Variants in CSRP3 observed in about 807,000 individuals in gnomAD.
CSRP3 encodes the protein cysteine and glycine-rich protein 3.
Under a neutral mutation model 24.3 loss-of-function variants are expected in CSRP3, and 24 were observed. That is an observed-to-expected ratio of 0.99 (90% CI 0.71 to 1.39). The LOEUF (loss-of-function observed/expected upper bound fraction) is 1.39. Ranked by LOEUF, CSRP3 falls within the 40% of genes most tolerant of loss-of-function variation. The pLI is 0.00. For missense variants in CSRP3, 240 were observed against 249.0 expected (o/e 0.96, Z 0.24); for synonymous variants, 105 against 94.0 (o/e 1.12, Z -0.68).
intron 1 of CSRP3, among the ~76,000 whole-genome samples, chr11:19,193,547 C>T (rs766321063): frequency 2.0e-4 from 30 of 152,260 alleles, no homozygotes; most frequent in Non-Finnish European, 3.5e-4. Flanking sequence ...TTAGTAGAGA[C>T]GGGGTTTCAC....
chr11:19,200,423 G>A (rs1375553683), intron 1 of CSRP3, among the ~76,000 whole-genome samples: 2 of 152,198 alleles, frequency 1.3e-5, no homozygotes, highest in Non-Finnish European at 2.9e-5. Context: ...CTATTTGCTG[G>A]CTGAATGCTG....
At position 19,201,013 on chromosome 11, in the gene CSRP3, AC is replaced by A. The variant is rs1850830368; in HGVS notation, c.-29+940del. 4.6e-5 allele frequency among the ~76,000 whole-genome samples: 7 copies of A among 152,148 alleles called. No individual in the cohort carries two copies. In the South Asian group the frequency reaches 1.5e-3, roughly 32 times the overall value. ...ACTCCTCCTTCTTGGAGGAGTCACC[AC>A]CTTGGCTCAGGAACAGGGCAGAAAT... On this transcript the variant is annotated intron_variant, in intron 1 of 5. Coordinates refer to ENST00000265968, the MANE Select transcript of CSRP3 (RefSeq NM_003476.5).
chr11:19,195,869 G>A (rs1019836989), intron 1 of CSRP3, among the ~76,000 whole-genome samples: 1 of 152,188 alleles, frequency 6.6e-6, no homozygotes, highest in African/African-American at 2.4e-5. Context: ...AAATCTGTAA[G>A]TACTCTATTA....
intron 5 of CSRP3, 23 bp from the exon 6 acceptor site, chr11:19,182,769 G>A (rs776527888): frequency 1.9e-6 from 3 of 1,579,610 alleles, no homozygotes; most frequent in Non-Finnish European, 2.6e-6. Flanking sequence ...AGAGGATGAA[G>A]GGAGAGACAA....
chr11:19,192,613 C>T (rs572026013), intron 1 of CSRP3, 137 bp from the exon 2 acceptor site: 63 of 689,010 alleles, frequency 9.1e-5, no homozygotes, highest in Middle Eastern at 6.8e-4. Flanking sequence ...ATTTAGCAAA[C>T]AGCTACTGTG....
At chr11:19,187,461 C>T (rs1488771303) in intron 3 of CSRP3, among the ~76,000 whole-genome samples, 1 of 152,194 alleles carries the variant, frequency 6.6e-6, no homozygotes, top group East Asian at 1.9e-4. Flanking sequence ...AGTGTCAGGC[C>T]AGTGGCCATC....
In CSRP3 at chr11:19,188,287, G is replaced by C. The variant is rs1485902768; in HGVS notation, c.130C>G (p.Leu44Val). 6.2e-7 allele frequency: 1 copy of C among 1,612,504 alleles called. No homozygotes were observed. Among genetic ancestry groups the C allele is most frequent in the South Asian group, 1.1e-5 (1 of 91,004 alleles). ...TGAGCCGCGACTGTCGTGCTGTCAA[G>C]AGCCTTCCTGCAGGCCACTGCCAGG... Reference protein sequence around the residue: ...CFHCMACRKALDSTTVAAHES... With the variant: ...CFHCMACRKAVDSTTVAAHES... The change falls in exon 3 of 6, where the codon CTT becomes GTT. Residue 44 changes from leucine (L) to valine (V), a missense_variant. Coordinates refer to ENST00000265968, the MANE Select transcript of CSRP3 (RefSeq NM_003476.5).
intron 1 of CSRP3, among the ~76,000 whole-genome samples, chr11:19,195,652 G>A (rs1326387516): frequency 6.6e-6 from 1 of 151,172 alleles, no homozygotes; most frequent in Non-Finnish European, 1.5e-5. Context: ...GTTAATAGGA[G>A]ACAGAGATAC....
intron 1 of CSRP3, among the ~76,000 whole-genome samples, chr11:19,194,591 G>A (rs1341512155): frequency 6.6e-6 from 1 of 152,146 alleles, no homozygotes; most frequent in Admixed American, 6.5e-5. Context: ...GTTGAGGCAG[G>A]AGAATCACTT....
intron 1 of CSRP3, among the ~76,000 whole-genome samples, chr11:19,198,985 T>C (rs1850790084): frequency 6.6e-6 from 1 of 152,256 alleles, no homozygotes; most frequent in Non-Finnish European, 1.5e-5. Flanking sequence ...TATTACATTA[T>C]CTCCAGTTTT....
At chr11:19,200,504 C>T (rs1019000786) in intron 1 of CSRP3, among the ~76,000 whole-genome samples, 2 of 152,110 alleles carry the variant, frequency 1.3e-5, no homozygotes, top group Non-Finnish European at 2.9e-5. Context: ...TTCCTTCCCC[C>T]CTTCTCTCCT....
At chr11:19,201,263 T>A (rs978275407) in intron 1 of CSRP3, among the ~76,000 whole-genome samples, 2 of 152,204 alleles carry the variant, frequency 1.3e-5, no homozygotes, top group Non-Finnish European at 2.9e-5. Context: ...CTTTTTGGGG[T>A]CCAGTTTTGA....
Position 19,192,405 on chromosome 11 carries a change from T to C in CSRP3, c.44A>G (p.Lys15Arg), listed in dbSNP as rs1308434550. 6.2e-7 allele frequency: 1 copy of C among 1,614,214 alleles called. No homozygotes were observed. The highest frequency in any genetic ancestry group is 1.3e-5 in the African/African-American group (1 of 75,058). ...GGGAKCGACEKTVYHAEEIQC... is the reference protein window; with the variant it reads ...GGGAKCGACERTVYHAEEIQC... ...GATTTCTTCTGCATGGTAGACGGTC[T>C]TTTCACAGGCTCCACATTTTGCGCC... is the stretch of plus-strand genomic sequence containing the variant. Residue 15 changes from lysine to arginine, a missense_variant, in exon 2 of 6, where the codon AAG becomes AGG. Transcript: ENST00000265968.
chr11:19,191,349 C>A lies in CSRP3; in HGVS notation c.112+988G>T, dbSNP rs538780228. Among the ~76,000 whole-genome samples the A allele has an allele frequency of 2.6e-5, 4 of 152,292 alleles. No homozygotes were observed. The South Asian group carries it at 8.3e-4, about 32-fold the overall frequency. On this transcript the variant is annotated intron_variant, in intron 2 of 5. Transcript: ENST00000265968. The stretch of plus-strand genomic sequence containing the variant: ...GGAGTTCTTTTCAATTGCATGGATG[C>A]CTTGCAGCTACCGGGCTGAAGCATG...
At position 19,186,219 on chromosome 11, in the gene CSRP3, G is replaced by T. The variant is rs1411552973; in HGVS notation, c.411C>A (p.Gly137=). 1 of 1,614,142 alleles carries T rather than the reference G, an allele frequency of 6.2e-7. No homozygotes were observed. The highest frequency in any genetic ancestry group is 1.3e-5 in the African/African-American group (1 of 75,022). ...VYAAEKVMGG[G]KPWHKTCFRC... ...TGGCTCATACAGAAGGTCTTACCTT[G>T]CCACCTCCCATAACCTTCTCAGCAG... The change falls in exon 4 of 6, where the codon GGC becomes GGA. Residue 137 remains glycine, a synonymous_variant. Transcript: ENST00000265968.
chr11:19,197,501 C>CTCTTTCTTTCTCTT (rs1850748734), intron 1 of CSRP3, among the ~76,000 whole-genome samples: 1 of 67,068 alleles, frequency 1.5e-5, no homozygotes, highest in Non-Finnish European at 3.1e-5. Flanking sequence ...CCCTCTTTTC[C>CTCTTTCTTTCTCTT]TCTTTCTTTC....
rs749002955 is a variant in CSRP3 at position 19,182,723 on chromosome 11, G to C, written c.532C>G (p.Pro178Ala). 1 of 1,614,004 alleles carries C rather than the reference G, an allele frequency of 6.2e-7. No individual in the cohort carries two copies. Among genetic ancestry groups the C allele is most frequent in the Non-Finnish European group, 8.5e-7 (1 of 1,179,966 alleles). The change falls in exon 6 of 6, where the codon CCC (proline) becomes GCC (alanine). Residue 178 changes from proline (P) to alanine (A), a missense_variant. Pro to Ala is a conservative substitution (Grantham distance 27). Transcript: ENST00000265968. ...AGGCCTCCAAACCCAATACCCGTGG[G>C]GCCAAAATTTTTGGCATAGCAAACT... ...CKVCYAKNFG[P>A]TGIGFGGLTQ...
At chr11:19,197,523 CTTTCTTT>C in intron 1 of CSRP3, among the ~76,000 whole-genome samples, 1 of 123,842 alleles carries the variant, frequency 8.1e-6, no homozygotes, top group East Asian at 2.4e-4. Flanking sequence ...TTCTTTCTTT[CTTTCTTT>C]CTTTCTTTCT....
At chr11:19,187,503 T>C (rs10833071) in intron 3 of CSRP3, among the ~76,000 whole-genome samples, 23,114 of 152,194 alleles carry the variant, frequency 0.15, 2,113 homozygotes, top group South Asian at 0.29. Flanking sequence ...TGGAGGTCAA[T>C]GTGGTTATCA....
Sources: allele counts gnomAD v4.1 joint callset (sites outside exome capture counted in the v4.1 genomes callset), GRCh38; gene constraint gnomAD v4.1.1; transcripts MANE v1.5; gene names NCBI Gene and HGNC (gene_info 2026-07-23, HGNC 2026-07-21).